PCDHGA7: variants seen among roughly 807,000 people sequenced by gnomAD.
The protein encoded by PCDHGA7 is protocadherin gamma subfamily A, 7, also known as protocadherin gamma-A7.
Under a neutral mutation model 58.3 loss-of-function variants are expected in PCDHGA7, and 44 were observed. The observed-to-expected ratio is 0.75, with a 90% confidence interval of 0.59 to 0.97. The LOEUF is 0.97. Ranked by LOEUF, PCDHGA7 falls within the 50% of genes least tolerant of loss-of-function variation. PCDHGA7 has a pLI of 0.00. For missense variants in PCDHGA7, 1,266 were observed against 1,188.7 expected (o/e 1.06, Z -0.96); for synonymous variants, 516 against 504.2 (o/e 1.02, Z -0.31).
intron 1 of PCDHGA7, among the ~76,000 whole-genome samples, chr5:141,465,360 C>T (rs1238387777): frequency 6.6e-6 from 1 of 151,940 alleles, no homozygotes; most frequent in Non-Finnish European, 1.5e-5. Context: ...AAAATGGGTG[C>T]CCTTTAAAGT....
intron 1 of PCDHGA7, chr5:141,427,785 TC>T: frequency 6.8e-7 from 1 of 1,470,156 alleles, no homozygotes; most frequent in Non-Finnish European, 9.4e-7. Flanking sequence ...GGCACTGTCG[TC>T]CTACGTGTCC....
At chr5:141,414,334 AC>A (rs1187631098) in intron 1 of PCDHGA7, 2 of 1,613,782 alleles carry the variant, frequency 1.2e-6, no homozygotes, top group South Asian at 2.2e-5. Context: ...TGGACAGGTA[AC>A]CTGTTCCATT....
chr5:141,478,594 C>T, intron 1 of PCDHGA7: 2 of 1,569,448 alleles, frequency 1.3e-6, no homozygotes, highest in Non-Finnish European at 1.7e-6. Context: ...TTTTTTATTC[C>T]TACATCATAT....
chr5:141,412,027 C>T (rs1360599996), intron 1 of PCDHGA7: 1 of 152,086 alleles, frequency 6.6e-6, no homozygotes, highest in Non-Finnish European at 1.5e-5. Context: ...ATCCTGTTCT[C>T]TGTGTGAAAG....
At position 141,423,462 on chromosome 5, in the gene PCDHGA7, C is replaced by A. The variant is rs371118964; in HGVS notation, c.2424+38139C>A. ...CCACGTCACATTTTGTAGGCGTGGA[C>A]GGGGTACAGGCTTTCCTGCAAACCT... On this transcript the variant is annotated intron_variant, in intron 1 of 3. Transcript: ENST00000518325. 8.1e-6 allele frequency: 13 copies of A among 1,613,808 alleles called. No homozygotes were observed. The African/African-American group carries it at 1.7e-4, about 22-fold the overall frequency.
chr5:141,429,851 TC>T (rs1447325775), intron 1 of PCDHGA7, among the ~76,000 whole-genome samples: 2 of 152,224 alleles, frequency 1.3e-5, no homozygotes, highest in African/African-American at 4.8e-5. Context: ...TCTGTAACAT[TC>T]TTTGGACTAC....
chr5:141,408,561 T>C lies in PCDHGA7; in HGVS notation c.2424+23238T>C. On this transcript the variant is annotated intron_variant, in intron 1 of 3. Coordinates refer to ENST00000518325, the MANE Select transcript of PCDHGA7 (RefSeq NM_018920.4). ...AATCCTTTAAATATTTTTCATGTCA[T>C]TGTGGTGATTGAGGATGTTAATGAC... 6.2e-7 allele frequency: 1 copy of C among 1,613,994 alleles called. No homozygotes were observed.
At chr5:141,395,926 A>G (rs2093327122) in intron 1 of PCDHGA7, 1 of 152,218 alleles carries the variant, frequency 6.6e-6, no homozygotes, top group South Asian at 2.1e-4. Flanking sequence ...TCTAAAGCCT[A>G]GAATGTCCAT....
Position 141,423,433 on chromosome 5 carries a change from A to G in PCDHGA7, c.2424+38110A>G, listed in dbSNP as rs746170494. ...GGCTTCTGAAGGCGGGTTGGCAGGT[A>G]TGCCCACGTCACATTTTGTAGGCGT... On this transcript the variant is annotated intron_variant, in intron 1 of 3. Coordinates refer to ENST00000518325, the MANE Select transcript of PCDHGA7 (RefSeq NM_018920.4). 3.1e-6 allele frequency: 5 copies of G among 1,614,010 alleles called. No homozygotes were observed. The East Asian group carries it at 8.9e-5, about 29-fold the overall frequency.
rs1328476453 is a variant in PCDHGA7, at chr5:141,431,444, C to T, written c.2424+46121C>T. 4.3e-6 allele frequency: 7 copies of T among 1,613,732 alleles called. No homozygotes were observed. The highest frequency in any genetic ancestry group is 5.9e-6 in the Non-Finnish European group (7 of 1,180,022). On this transcript the variant is annotated intron_variant, in intron 1 of 3. Transcript: ENST00000518325. The surrounding 1 kb of genome is among the most constrained non-coding windows in gnomAD (Gnocchi z 4.8). ...GGTGCGCACAGGCACCGCGCGCATCCGCGTGATGGTTCTGGATGCGAACGA... is the reference window on the plus strand; with the variant it reads ...GGTGCGCACAGGCACCGCGCGCATCTGCGTGATGGTTCTGGATGCGAACGA...
intron 1 of PCDHGA7, chr5:141,414,831 G>A (rs1230752323): frequency 1.9e-6 from 3 of 1,614,212 alleles, no homozygotes; most frequent in Admixed American, 1.7e-5. Flanking sequence ...ACGTGTCGTT[G>A]AGCCTGTTTG....
At position 141,404,183 on chromosome 5, in the gene PCDHGA7, G is replaced by A; in HGVS notation, c.2424+18860G>A. The A allele has an allele frequency of 1.2e-6, 2 of 1,613,154 alleles. No individual in the cohort carries two copies. Among genetic ancestry groups the A allele is most frequent in the South Asian group, 1.1e-5 (1 of 90,926 alleles). On this transcript the variant is annotated intron_variant, in intron 1 of 3. Coordinates refer to ENST00000518325, the MANE Select transcript of PCDHGA7 (RefSeq NM_018920.4). Reference sequence around the variant, plus strand: ...CAGATTGTTGACGGCCCAAATTCTTGACCGAGAAAAAGCCTCAGAATATAA... The same window carrying A: ...CAGATTGTTGACGGCCCAAATTCTTAACCGAGAAAAAGCCTCAGAATATAA...
rs1434083091 is a variant in PCDHGA7 at position 141,450,833 on chromosome 5, T to TA, written c.2425-43974_2425-43973insA. 6.4e-3 allele frequency among the ~76,000 whole-genome samples: 943 copies of TA among 147,260 alleles called. 6 individuals carry two copies. The highest frequency in any genetic ancestry group is 0.014 in the Middle Eastern group (4 of 276). ...TTATTTAATATTATTATTATTATTT[T>TA]TTTTTTTTTGAGATGGGGTCTTGCT... is the stretch of plus-strand genomic sequence containing the variant. On this transcript the variant is annotated intron_variant, in intron 1 of 3. Coordinates refer to ENST00000518325, the MANE Select transcript of PCDHGA7 (RefSeq NM_018920.4).
rs1187459113 is a variant in PCDHGA7 at position 141,487,187 on chromosome 5, G to A, written c.2425-7620G>A. On this transcript the variant is annotated intron_variant, in intron 1 of 3. Coordinates refer to ENST00000518325, the MANE Select transcript of PCDHGA7 (RefSeq NM_018920.4). This position sits in a 1 kb window ranked among gnomAD's most constrained non-coding sequence, Gnocchi z 5.0. The stretch of plus-strand genomic sequence containing the variant: ...GTCCTTAGAGGAAGACACTCATCCA[G>A]TTGTCCCAGATCTTCGAGAATCTTC... 1.2e-6 allele frequency: 2 copies of A among 1,613,826 alleles called. No homozygotes were observed. Among genetic ancestry groups the A allele is most frequent in the Admixed American group, 3.3e-5 (2 of 60,024 alleles).
intron 1 of PCDHGA7, chr5:141,419,377 C>A (rs2096371335): frequency 6.2e-7 from 1 of 1,613,572 alleles, no homozygotes; most frequent in African/African-American, 1.3e-5. Flanking sequence ...CCTACGTGTC[C>A]GTGAGCGCGC....
intron 1 of PCDHGA7, among the ~76,000 whole-genome samples, chr5:141,453,492 G>T (rs1046043468): frequency 6.6e-6 from 1 of 152,000 alleles, no homozygotes; most frequent in Non-Finnish European, 1.5e-5. Flanking sequence ...AAAAAAAGGT[G>T]TACTCAGAAA....
chr5:141,491,982 T>G lies in PCDHGA7; in HGVS notation c.2425-2825T>G. On this transcript the variant is annotated intron_variant, in intron 1 of 3. Coordinates refer to ENST00000518325, the MANE Select transcript of PCDHGA7 (RefSeq NM_018920.4). This position sits in a 1 kb window ranked among gnomAD's most constrained non-coding sequence, Gnocchi z 6.9. Reference sequence around the variant, plus strand: ...AAAAGGCCGGGGCCTCCTTCGAGCTTCCGGTGAATTTCGGGCGATTTCCGC... The same window carrying G: ...AAAAGGCCGGGGCCTCCTTCGAGCTGCCGGTGAATTTCGGGCGATTTCCGC... The G allele has an allele frequency of 2.6e-6, 2 of 759,438 alleles. No homozygotes were observed. Among genetic ancestry groups the G allele is most frequent in the East Asian group, 3.2e-5 (1 of 31,728 alleles). The allele number at this position is 759,438 out of a possible 1,614,324, so 47.0% of individuals were successfully genotyped here. A position where few individuals can be genotyped will look rare whatever the true frequency, so the allele number is the denominator to read the frequency against.
At position 141,382,835 on chromosome 5, in the gene PCDHGA7, CG is replaced by C; in HGVS notation, c.-63del. The C allele has an allele frequency of 7.0e-7, 1 of 1,431,186 alleles. No individual in the cohort carries two copies. The allele number at this position is 1,431,186 out of a possible 1,614,324, so 88.7% of individuals were successfully genotyped here. A position where few individuals can be genotyped will look rare whatever the true frequency, so the allele number is the denominator to read the frequency against. ...CCTTCCTAAGACAGAGGGGTCCACC[CG>C]GATACACCCGCATTCTGAAGCACTT... On this transcript the variant is annotated 5_prime_UTR_variant, in exon 1 of 4. Coordinates refer to ENST00000518325, the MANE Select transcript of PCDHGA7 (RefSeq NM_018920.4).
chr5:141,407,656 C>T (rs1333500318), intron 1 of PCDHGA7, among the ~76,000 whole-genome samples: 1 of 151,756 alleles, frequency 6.6e-6, no homozygotes, highest in Admixed American at 6.6e-5. Flanking sequence ...TGGGGGAGCG[C>T]AGTATATATT....
Sources: gnomAD v4.1 joint callset for allele counts (sites outside exome capture counted in the v4.1 genomes callset) on GRCh38, gnomAD v4.1.1 for gene constraint, Gnocchi (gnomAD v3.1) non-coding constraint, MANE v1.5 for transcripts, NCBI Gene and HGNC (gene_info 2026-07-23, HGNC 2026-07-21) for gene names.